Variants in TRIM23 observed in about 807,000 individuals in gnomAD.
The protein encoded by TRIM23 is E3 ubiquitin-protein ligase TRIM23.
A neutral mutation model predicts 71.0 loss-of-function variants in TRIM23; 27 were observed. The observed-to-expected ratio is 0.38, with a 90% CI of 0.28 to 0.52. The LOEUF (loss-of-function observed/expected upper bound fraction) is 0.52, where lower values mean the gene tolerates loss of function less well. TRIM23 is among the 20% of genes least tolerant of loss of function. The probability of loss-of-function intolerance (pLI) is 0.84; values close to 1 mark genes in which losing one functional copy is unlikely to be tolerated. For synonymous variants in TRIM23, 234 were observed against 238.0 expected (o/e 0.98, Z 0.16); for missense variants, 482 against 692.3 (o/e 0.70, Z 3.41).
intron 10 of TRIM23, 52 bp downstream of exon 10, chr5:65,594,469 T>C: frequency 6.4e-7 from 1 of 1,558,312 alleles, no homozygotes; most frequent in South Asian, 1.2e-5. Flanking sequence ...CAGTTGCCTT[T>C]TGACATGCAC....
At chr5:65,599,446 T>C (rs1162472462) in intron 7 of TRIM23, among the ~76,000 whole-genome samples, 4 of 152,222 alleles carry the variant, frequency 2.6e-5, no homozygotes, top group African/African-American at 7.2e-5. Flanking sequence ...TAAGATACTA[T>C]GTTGGTGCAA....
intron 2 of TRIM23, among the ~76,000 whole-genome samples, chr5:65,615,821 A>G (rs1256695983): frequency 6.6e-6 from 1 of 152,228 alleles, no homozygotes; most frequent in Non-Finnish European, 1.5e-5. Flanking sequence ...TTCTGTGTCA[A>G]AACAACTCTA....
chr5:65,614,752 AT>A (rs1416499651), intron 2 of TRIM23, among the ~76,000 whole-genome samples: 27 of 151,656 alleles, frequency 1.8e-4, no homozygotes, highest in African/African-American at 5.1e-4. Flanking sequence ...AAAAAAAAAA[AT>A]CTAAATACAC....
chr5:65,600,333 G>A (rs1161727724), intron 7 of TRIM23, among the ~76,000 whole-genome samples: 2 of 152,102 alleles, frequency 1.3e-5, no homozygotes, highest in Admixed American at 6.5e-5. Flanking sequence ...CAAACCAACA[G>A]AACAGAAGAG....
At chr5:65,623,905 C>T (rs1755029659) in intron 1 of TRIM23, among the ~76,000 whole-genome samples, 1 of 152,208 alleles carries the variant, frequency 6.6e-6, no homozygotes, top group African/African-American at 2.4e-5. Context: ...TTGAGTTTAA[C>T]TAAAAGCAGA....
intron 6 of TRIM23, among the ~76,000 whole-genome samples, 196 bp downstream of exon 6, chr5:65,609,047 T>C (rs893024122): frequency 2.0e-5 from 3 of 152,160 alleles, no homozygotes; most frequent in African/African-American, 7.2e-5. Flanking sequence ...ACCCATGGCT[T>C]ATGGTGGGAA....
chr5:65,604,717 ATCT>A (rs534081233), intron 7 of TRIM23, 191 bp downstream of exon 7: 22 of 450,576 alleles, frequency 4.9e-5, no homozygotes, highest in Non-Finnish European at 7.6e-5. Flanking sequence ...GGCCATGCTA[ATCT>A]TCTTATTCCA....
intron 10 of TRIM23, among the ~76,000 whole-genome samples, chr5:65,593,348 T>G (rs1191292938): frequency 6.6e-6 from 1 of 152,072 alleles, no homozygotes; most frequent in Non-Finnish European, 1.5e-5. Flanking sequence ...GGCAGAAGAA[T>G]CGCTTGAACC....
At position 65,591,595 on chromosome 5, in the gene TRIM23, C is replaced by A; in HGVS notation, c.*174G>T. ...CTGCTCAATTAGAAATTTAATTCTG[C>A]CACAAAATTTTTTTAAAGCAAAGTA... On this transcript the variant is annotated 3_prime_UTR_variant, in exon 11 of 11. Transcript: ENST00000231524. 7.9e-7 allele frequency: 1 copy of A among 1,266,078 alleles called. No homozygotes were observed. The allele number at this position is 1,266,078 out of a possible 1,614,324, so 78.4% of individuals were successfully genotyped here.
chr5:65,624,070 C>A, intron 1 of TRIM23, 124 bp downstream of exon 1: 1 of 1,129,912 alleles, frequency 8.9e-7, no homozygotes. Context: ...CTTGTAATGC[C>A]AAAAGGGGCC....
intron 7 of TRIM23, among the ~76,000 whole-genome samples, chr5:65,598,901 T>C (rs1581177330): frequency 6.6e-6 from 1 of 152,284 alleles, no homozygotes; most frequent in East Asian, 1.9e-4. Flanking sequence ...AGAAAAAGCA[T>C]TTAACAAAAT....
At position 65,591,789 on chromosome 5, in the gene TRIM23, C is replaced by G. The variant is rs1391774528; in HGVS notation, c.1705G>C (p.Gly569Arg). Residue 569 changes from glycine (G) to arginine (R), a missense_variant, in exon 11 of 11, where the codon GGA becomes CGA. Gly to Arg is a moderately radical substitution (Grantham distance 125). Transcript: ENST00000231524. Reference sequence around the variant, plus strand: ...TAAAATCAAGCAACATCCAATACTCCAGCAGCTACAAGTTGCCGTGAGAGC... The same window carrying G: ...TAAAATCAAGCAACATCCAATACTCGAGCAGCTACAAGTTGCCGTGAGAGC... ...DWLSRQLVAA[G>R]VLDVA is the part of the protein sequence containing the mutation. The G allele has an allele frequency of 6.2e-7, 1 of 1,610,594 alleles. No homozygotes were observed. The highest frequency in any genetic ancestry group is 8.5e-7 in the Non-Finnish European group (1 of 1,177,880).
At position 65,611,656 on chromosome 5, in the gene TRIM23, T is replaced by C; in HGVS notation, c.592A>G (p.Ser198Gly). 6.2e-7 allele frequency: 1 copy of C among 1,614,234 alleles called. No individual in the cohort carries two copies. The highest frequency in any genetic ancestry group is 8.5e-7 in the Non-Finnish European group (1 of 1,180,044). Reference sequence around the variant, plus strand: ...TTGCAGACACAGCACATGAGTGGGCTAGTTTGACAACCTTCTTCCAAGCAA... The same window carrying C: ...TTGCAGACACAGCACATGAGTGGGCCAGTTTGACAACCTTCTTCCAAGCAA... ...FVCLEEGCQT[S>G]PLMCCVCKEY... is the part of the protein sequence containing the mutation. Residue 198 changes from serine (S) to glycine (G), a missense_variant, in exon 4 of 11, where the codon AGC becomes GGC. Ser to Gly is a moderately conservative substitution (Grantham distance 56). Around this residue, in one of 2 missense-constraint regions of TRIM23, gnomAD observed 307 missense variants for 495.8 expected, o/e 0.62. Coordinates refer to ENST00000231524, the MANE Select transcript of TRIM23 (RefSeq NM_001656.4).
Position 65,590,175 on chromosome 5 carries a change from G to A in TRIM23, c.*1594C>T, listed in dbSNP as rs928326633. 9.5e-6 allele frequency: 6 copies of A among 632,126 alleles called. No homozygotes were observed. The highest frequency in any genetic ancestry group is 9.5e-5 in the African/African-American group (5 of 52,868). 39.2% of individuals were successfully genotyped at this position (632,126 alleles called of 1,614,324 possible). On this transcript the variant is annotated 3_prime_UTR_variant, in exon 11 of 11. Coordinates refer to ENST00000231524, the MANE Select transcript of TRIM23 (RefSeq NM_001656.4). Reference sequence around the variant, plus strand: ...TTCAATTAACTAGTAAACAGTTCAAGTTCTCACAAGCAATACAACACCTTT... The same window carrying A: ...TTCAATTAACTAGTAAACAGTTCAAATTCTCACAAGCAATACAACACCTTT...
intron 6 of TRIM23, 31 bp from the exon 7 acceptor site, chr5:65,605,076 A>G (rs1302914632): frequency 5.1e-6 from 8 of 1,556,212 alleles, no homozygotes; most frequent in African/African-American, 1.4e-5. Flanking sequence ...TTTCTTATAA[A>G]CTTTTTATAA....
intron 2 of TRIM23, among the ~76,000 whole-genome samples, chr5:65,615,026 T>A (rs1561750750): frequency 6.6e-6 from 1 of 151,924 alleles, no homozygotes; most frequent in East Asian, 1.9e-4. Context: ...GCCTCCCAAG[T>A]GGCTGGGACT....
At position 65,614,269 on chromosome 5, in the gene TRIM23, A is replaced by C. The variant is rs1387178950; in HGVS notation, c.245-50T>G. ...CTAAATCTAACAAAATGGACTATTA[A>C]TCATTTTACCCATACCTCAAAAGTA... On this transcript the variant is annotated intron_variant, in intron 2 of 10. Coordinates refer to ENST00000231524, the MANE Select transcript of TRIM23 (RefSeq NM_001656.4). 2.6e-6 allele frequency: 4 copies of C among 1,549,620 alleles called. No homozygotes were observed. In the African/African-American group the frequency reaches 5.5e-5, roughly 21 times the overall value.
intron 7 of TRIM23, among the ~76,000 whole-genome samples, chr5:65,598,686 T>C (rs1754276428): frequency 6.6e-6 from 1 of 150,802 alleles, no homozygotes; most frequent in Non-Finnish European, 1.5e-5. Context: ...AGGTGGAGAA[T>C]GCAGTGAGCC....
Position 65,590,379 on chromosome 5 carries a change from G to A in TRIM23, c.*1390C>T. 1 of 1,425,008 alleles carries A rather than the reference G, an allele frequency of 7.0e-7. No individual in the cohort carries two copies. The highest frequency in any genetic ancestry group is 9.3e-7 in the Non-Finnish European group (1 of 1,078,278). 88.3% of individuals were successfully genotyped at this position (1,425,008 alleles called of 1,614,324 possible). On this transcript the variant is annotated 3_prime_UTR_variant, in exon 11 of 11. Coordinates refer to ENST00000231524, the MANE Select transcript of TRIM23 (RefSeq NM_001656.4). ...AATACTGATAGGCTTTTTTTTTAATGCTTTGTTTTCTAAAACTTGTATTGT... is the reference window on the plus strand; with the variant it reads ...AATACTGATAGGCTTTTTTTTTAATACTTTGTTTTCTAAAACTTGTATTGT...
Sources: gnomAD v4.1 joint callset for allele counts (sites outside exome capture counted in the v4.1 genomes callset) on GRCh38, gnomAD v4.1.1 for gene constraint, gnomAD v4.1.1 regional missense constraint, MANE v1.5 for transcripts, NCBI Gene and HGNC (gene_info 2026-07-23, HGNC 2026-07-21) for gene names.